The following ZNF83 variants were observed in gnomAD, a reference collection of about 807,000 sequenced individuals.
ZNF83 encodes the protein zinc finger protein 83.
For synonymous variants in ZNF83, 209 were observed against 213.0 expected (o/e 0.98, Z 0.17); for missense variants, 552 against 629.9 (o/e 0.88, Z 1.32).
intron 1 of ZNF83, among the ~76,000 whole-genome samples, chr19:52,667,243 A>G (rs1600250691): frequency 6.7e-6 from 1 of 148,454 alleles, no homozygotes; most frequent in East Asian, 1.9e-4. Flanking sequence ...AAAAAAAAAA[A>G]GGAGGAAGGA....
At chr19:52,689,829 T>C (rs913079273) in intron 1 of ZNF83, among the ~76,000 whole-genome samples, 10 of 152,152 alleles carry the variant, frequency 6.6e-5, no homozygotes, top group South Asian at 2.1e-4. Flanking sequence ...CGGAGGAGCT[T>C]ATTTTCCAGG....
intron 1 of ZNF83, among the ~76,000 whole-genome samples, chr19:52,673,072 C>A (rs2061748037): frequency 6.6e-6 from 1 of 151,910 alleles, no homozygotes; most frequent in African/African-American, 2.4e-5. Flanking sequence ...ACAAAAAAAA[C>A]TGGATGTGAG....
chr19:52,630,721 C>T (rs376060956), intron 2 of ZNF83, among the ~76,000 whole-genome samples: 7 of 151,988 alleles, frequency 4.6e-5, no homozygotes, highest in African/African-American at 1.4e-4. Flanking sequence ...CGTTACCATC[C>T]CATTAAAACC....
At position 52,652,987 on chromosome 19, in the gene ZNF83, T is replaced by TC. The variant is rs2147256304; in HGVS notation, c.-74+2573dup. 4 of 1,355,532 alleles carry TC rather than the reference T, an allele frequency of 3.0e-6. No homozygotes were observed. In the East Asian group the frequency reaches 9.4e-5, roughly 32 times the overall value. The allele number at this position is 1,355,532 out of a possible 1,614,324, so 84.0% of individuals were successfully genotyped here. A position where few individuals can be genotyped will look rare whatever the true frequency, so the allele number is the denominator to read the frequency against. ...ACACTCATTACACCTGTAAGGTTTC[T>TC]CTCCAGTATGAACTCTCTGATGTTG... On this transcript the variant is annotated intron_variant, in intron 3 of 5. Transcript: ENST00000594682.
exon 3 of ZNF83, chr19:52,613,865 C>T (rs754166940): frequency 6.1e-5 from 99 of 1,611,770 alleles, no homozygotes; most frequent in Non-Finnish European, 7.9e-5. Flanking sequence ...TTGTTACATT[C>T]GTAAGGTTTT....
intron 1 of ZNF83, among the ~76,000 whole-genome samples, chr19:52,667,140 C>T (rs1014831703): frequency 6.6e-6 from 1 of 150,734 alleles, no homozygotes; most frequent in African/African-American, 2.4e-5. Flanking sequence ...ATGTATTATC[C>T]TAACTTCTAA....
chr19:52,619,133 C>A (rs879023061), intron 2 of ZNF83: 16 of 1,611,228 alleles, frequency 9.9e-6, no homozygotes, highest in Non-Finnish European at 1.1e-5. Flanking sequence ...ATGAGGAGAG[C>A]GGTGACAACA....
chr19:52,684,106 T>C (rs1371494201), intron 1 of ZNF83, among the ~76,000 whole-genome samples: 2 of 152,070 alleles, frequency 1.3e-5, no homozygotes, highest in African/African-American at 4.8e-5. Flanking sequence ...GCAGGGCTCA[T>C]GCCTGTAATC....
intron 2 of ZNF83, among the ~76,000 whole-genome samples, chr19:52,657,090 T>TG (rs2061516090): frequency 1.3e-5 from 2 of 151,936 alleles, no homozygotes. Context: ...CACTCCAGCC[T>TG]GGGGGACACA....
chr19:52,620,254 C>CTGTGTGTGTG (rs200450539), intron 2 of ZNF83, among the ~76,000 whole-genome samples: 5 of 134,438 alleles, frequency 3.7e-5, no homozygotes, highest in African/African-American at 1.4e-4. Context: ...GTGTGTATAT[C>CTGTGTGTGTG]TGTGTGTGTA....
intron 1 of ZNF83, among the ~76,000 whole-genome samples, chr19:52,687,294 A>C (rs2062032515): frequency 6.9e-6 from 1 of 144,582 alleles, no homozygotes; most frequent in East Asian, 2.0e-4. Flanking sequence ...TTTTGAGACC[A>C]GCTTGGGAAT....
intron 2 of ZNF83, among the ~76,000 whole-genome samples, chr19:52,632,953 T>A (rs1568549373): frequency 6.6e-6 from 1 of 152,098 alleles, no homozygotes; most frequent in Non-Finnish European, 1.5e-5. Context: ...ACATCGTCCA[T>A]TCTCTCTCCA....
intron 2 of ZNF83, among the ~76,000 whole-genome samples, chr19:52,625,025 C>T (rs924823934): frequency 6.6e-6 from 1 of 151,986 alleles, no homozygotes; most frequent in African/African-American, 2.4e-5. Context: ...ATCCCCCTGA[C>T]ATTCACTCCA....
exon 3 of ZNF83, chr19:52,613,612 T>C (rs141749555): frequency 1.1e-5 from 18 of 1,609,832 alleles, no homozygotes; most frequent in Admixed American, 1.7e-5. Flanking sequence ...CTCATTACAT[T>C]TGTAAGGTTT....
intron 1 of ZNF83, among the ~76,000 whole-genome samples, chr19:52,687,845 T>A (rs1399338605): frequency 6.7e-6 from 1 of 149,798 alleles, no homozygotes; most frequent in African/African-American, 2.5e-5. Context: ...TTAATTAAAT[T>A]AAAAGTATTG....
chr19:52,626,064 T>G (rs1241441840), intron 2 of ZNF83, among the ~76,000 whole-genome samples: 1 of 152,126 alleles, frequency 6.6e-6, no homozygotes, highest in Non-Finnish European at 1.5e-5. Context: ...AAAATTCAAT[T>G]TGCAAATGGG....
chr19:52,667,976 T>C (rs1434269490), intron 1 of ZNF83, among the ~76,000 whole-genome samples: 1 of 152,120 alleles, frequency 6.6e-6, no homozygotes, highest in African/African-American at 2.4e-5. Context: ...AAATAGGTGC[T>C]AAAGAAAATT....
At chr19:52,687,366 A>AATTTATATAGAT (rs1555792580) in intron 1 of ZNF83, among the ~76,000 whole-genome samples, 1 of 56,540 alleles carries the variant, frequency 1.8e-5, no homozygotes, top group South Asian at 4.2e-4. Context: ...TATAAATTAT[A>AATTTATATAGAT]ATATAAATTA....
At chr19:52,687,634 T>TATATATATATATATATATA in intron 1 of ZNF83, among the ~76,000 whole-genome samples, 1 of 9,014 alleles carries the variant, frequency 1.1e-4, no homozygotes, top group East Asian at 1.5e-3. Flanking sequence ...ATATATAATG[T>TATATATATATATATATATA]ATATATATAT....
Sources: gnomAD v4.1 joint callset for allele counts (sites outside exome capture counted in the v4.1 genomes callset) on GRCh38, gnomAD v4.1.1 for gene constraint, MANE v1.5 for transcripts, NCBI Gene and HGNC (gene_info 2026-07-23, HGNC 2026-07-21) for gene names.